Variants in TRPC6 observed in about 807,000 individuals in gnomAD.
TRPC6 encodes the protein short transient receptor potential channel 6.
Under a neutral mutation model 90.7 loss-of-function variants are expected in TRPC6, and 55 were observed. The ratio of observed to expected loss-of-function variants is 0.61; its 90% CI spans 0.49 to 0.76. TRPC6 has a LOEUF of 0.76. Ranked by LOEUF, TRPC6 falls within the 30% of genes least tolerant of loss-of-function variation. The probability of loss-of-function intolerance (pLI) is 0.00; values close to 1 mark genes in which losing one functional copy is unlikely to be tolerated. For missense variants in TRPC6, 989 were observed against 1,122.7 expected (o/e 0.88, Z 1.70); for synonymous variants, 393 against 393.0 (o/e 1.00, Z 0.00).
intron 5 of TRPC6, among the ~76,000 whole-genome samples, chr11:101,481,703 C>A (rs1859555487): frequency 6.6e-6 from 1 of 152,120 alleles, no homozygotes; most frequent in Non-Finnish European, 1.5e-5. Flanking sequence ...AGTGCCAGGC[C>A]TCATCCTCCT....
intron 1 of TRPC6, among the ~76,000 whole-genome samples, chr11:101,528,887 A>G (rs193072668): frequency 6.6e-6 from 1 of 152,220 alleles, no homozygotes; most frequent in Admixed American, 6.5e-5. Flanking sequence ...GCCAATCGGC[A>G]TCTGGAATCA....
chr11:101,485,572 C>G, intron 4 of TRPC6, among the ~76,000 whole-genome samples: 1 of 134,672 alleles, frequency 7.4e-6, no homozygotes, highest in East Asian at 1.9e-4. Flanking sequence ...ATTATAAATC[C>G]TAAACTTTTT....
intron 1 of TRPC6, among the ~76,000 whole-genome samples, chr11:101,518,913 T>C (rs1350602980): frequency 2.6e-5 from 4 of 152,104 alleles, no homozygotes; most frequent in Admixed American, 2.6e-4. Flanking sequence ...GTGGAGATCA[T>C]TATGTTAAGT....
At chr11:101,501,860 T>G (rs1860134881) in intron 2 of TRPC6, among the ~76,000 whole-genome samples, 1 of 152,226 alleles carries the variant, frequency 6.6e-6, no homozygotes, top group African/African-American at 2.4e-5. Flanking sequence ...TTTTTTAAAC[T>G]GCTACTCTTG....
At chr11:101,509,115 T>C (rs1860339864) in intron 1 of TRPC6, among the ~76,000 whole-genome samples, 1 of 148,144 alleles carries the variant, frequency 6.8e-6, no homozygotes. Flanking sequence ...TGGTAATTGA[T>C]GTAAGTTGTT....
chr11:101,489,169 G>T, intron 3 of TRPC6, 68 bp from the exon 4 acceptor site: 1 of 1,338,250 alleles, frequency 7.5e-7, no homozygotes, highest in Non-Finnish European at 1.1e-6. Context: ...ATTTTCATGT[G>T]TTCTAATAGT....
chr11:101,520,389 T>C (rs1397602165), intron 1 of TRPC6, among the ~76,000 whole-genome samples: 2 of 152,220 alleles, frequency 1.3e-5, no homozygotes, highest in African/African-American at 4.8e-5. Flanking sequence ...AATTACTGAG[T>C]TTCAGGTAGT....
intron 1 of TRPC6, among the ~76,000 whole-genome samples, chr11:101,507,405 T>G (rs574483182): frequency 1.3e-5 from 2 of 152,114 alleles, no homozygotes; most frequent in South Asian, 4.1e-4. Flanking sequence ...TCTCTTTGAA[T>G]CTTCCTTTGG....
At chr11:101,531,821 T>A (rs1860918571) in intron 1 of TRPC6, among the ~76,000 whole-genome samples, 1 of 152,222 alleles carries the variant, frequency 6.6e-6, no homozygotes, top group African/African-American at 2.4e-5. Flanking sequence ...TTCTCTCTTC[T>A]CCCCGTTCTT....
At chr11:101,547,693 G>C (rs976910848) in intron 1 of TRPC6, among the ~76,000 whole-genome samples, 2 of 152,120 alleles carry the variant, frequency 1.3e-5, no homozygotes, top group Non-Finnish European at 2.9e-5. Context: ...CAGGTATCCA[G>C]GTAGTAATCT....
chr11:101,467,138 G>C (rs1042753943), intron 10 of TRPC6, among the ~76,000 whole-genome samples: 1 of 152,182 alleles, frequency 6.6e-6, no homozygotes, highest in African/African-American at 2.4e-5. Context: ...GCAGACCAGA[G>C]CTGTTCCTAT....
At position 101,482,996 on chromosome 11, in the gene TRPC6, G is replaced by A; in HGVS notation, c.1463C>T (p.Thr488Ile). 1 of 1,614,038 alleles carries A rather than the reference G, an allele frequency of 6.2e-7. No homozygotes were observed. The highest frequency in any genetic ancestry group is 8.5e-7 in the Non-Finnish European group (1 of 1,179,924). The change falls in exon 5 of 13, where the codon ACA becomes ATA. Residue 488 changes from threonine (T) to isoleucine (I), a missense_variant. Physicochemically the swap from Thr to Ile is moderately conservative, Grantham distance 89. Coordinates refer to ENST00000344327, the MANE Select transcript of TRPC6 (RefSeq NM_004621.6). Reference protein sequence around the residue: ...DNAKQLFRMKTSCFSWMEMLI... With the variant: ...DNAKQLFRMKISCFSWMEMLI... ...CATCTCCATCCATGAGAAGCAGGATGTTTTCATCCTGAACAGCTGTTTTGC... is the reference window on the plus strand; with the variant it reads ...CATCTCCATCCATGAGAAGCAGGATATTTTCATCCTGAACAGCTGTTTTGC...
At chr11:101,548,340 AAT>A (rs1861363469) in intron 1 of TRPC6, among the ~76,000 whole-genome samples, 2 of 57,368 alleles carry the variant, frequency 3.5e-5, no homozygotes, top group African/African-American at 1.3e-4. Flanking sequence ...ATTGAAATAC[AAT>A]ATATAATTAT....
intron 1 of TRPC6, among the ~76,000 whole-genome samples, chr11:101,542,132 T>C (rs561659109): frequency 9.2e-4 from 140 of 152,246 alleles, no homozygotes; most frequent in Non-Finnish European, 1.8e-3. Context: ...TTGTACTTAA[T>C]GTATTTATTG....
intron 1 of TRPC6, among the ~76,000 whole-genome samples, chr11:101,535,072 T>C (rs1861006646): frequency 6.6e-6 from 1 of 151,898 alleles, no homozygotes; most frequent in South Asian, 2.1e-4. Flanking sequence ...AGGCTGAGGA[T>C]CAAGAATCGC....
At chr11:101,550,790 T>A (rs1239838395) in intron 1 of TRPC6, among the ~76,000 whole-genome samples, 1 of 151,776 alleles carries the variant, frequency 6.6e-6, no homozygotes, top group Non-Finnish European at 1.5e-5. Flanking sequence ...TCTTATCAAA[T>A]GTAGTACTTT....
At chr11:101,467,417 G>A (rs1859174191) in intron 10 of TRPC6, among the ~76,000 whole-genome samples, 1 of 152,068 alleles carries the variant, frequency 6.6e-6, no homozygotes, top group Admixed American at 6.5e-5. Flanking sequence ...TACCCACTAT[G>A]TGCCAGGCCC....
Position 101,583,605 on chromosome 11 carries a change from G to T in TRPC6, c.-102C>A. On this transcript the variant is annotated 5_prime_UTR_variant, in exon 1 of 13. Transcript: ENST00000344327. ...AGGGTTCGCGTCAGCGGCCGAACTG[G>T]ACCTGGGCAGACCGGTGCCCAGGGG... 1 of 1,275,884 alleles carries T rather than the reference G, an allele frequency of 7.8e-7. No homozygotes were observed. Among genetic ancestry groups the T allele is most frequent in the Non-Finnish European group, 1.0e-6 (1 of 978,330 alleles). The allele number at this position is 1,275,884 out of a possible 1,614,324, so 79.0% of individuals were successfully genotyped here.
chr11:101,505,052 T>G (rs1310937426), intron 1 of TRPC6, among the ~76,000 whole-genome samples: 1 of 152,228 alleles, frequency 6.6e-6, no homozygotes, highest in Non-Finnish European at 1.5e-5. Flanking sequence ...CCATAATTAC[T>G]CTGTGCCATT....
Sources: allele counts gnomAD v4.1 joint callset (sites outside exome capture counted in the v4.1 genomes callset), GRCh38; gene constraint gnomAD v4.1.1; transcripts MANE v1.5; gene names NCBI Gene and HGNC (gene_info 2026-07-23, HGNC 2026-07-21).